Variants in CHRM3 observed in about 807,000 individuals in gnomAD.
CHRM3 encodes the protein muscarinic acetylcholine receptor M3.
CHRM3 carries 11 observed loss-of-function variants against 41.8 expected under a neutral mutation model. The observed-to-expected ratio is 0.26, with a 90% CI of 0.17 to 0.44. The LOEUF (loss-of-function observed/expected upper bound fraction) is 0.44. Among genes scored for constraint, CHRM3 ranks in the 20% least tolerant of loss-of-function variants. The pLI, the probability that CHRM3 is intolerant of heterozygous loss-of-function variation, is 1.00. For missense variants in CHRM3, 571 were observed against 745.4 expected (o/e 0.77, Z 2.72); for synonymous variants, 297 against 301.4 (o/e 0.99, Z 0.15).
chr1:239,464,030 AC>A (rs1255669240), intron 1 of CHRM3, among the ~76,000 whole-genome samples: 1 of 152,144 alleles, frequency 6.6e-6, no homozygotes, highest in Non-Finnish European at 1.5e-5. Context: ...TAATCTCAGC[AC>A]TTTGGGAGGC....
At chr1:239,388,144 A>G (rs1302336377) in intron 1 of CHRM3, among the ~76,000 whole-genome samples, 1 of 152,108 alleles carries the variant, frequency 6.6e-6, no homozygotes, top group Admixed American at 6.5e-5. Flanking sequence ...CTGCATCCAT[A>G]TGGATAGGTT....
chr1:239,836,038 G>A (rs1354943191), intron 6 of CHRM3, among the ~76,000 whole-genome samples: 1 of 152,238 alleles, frequency 6.6e-6, no homozygotes, highest in African/African-American at 2.4e-5. Flanking sequence ...CAGCACGGAT[G>A]GCGTTCTGTG....
intron 5 of CHRM3, among the ~76,000 whole-genome samples, chr1:239,807,413 A>G (rs1670741518): frequency 6.6e-6 from 1 of 152,216 alleles, no homozygotes. Flanking sequence ...TTGGCAATGA[A>G]CACCTTCTAA....
intron 5 of CHRM3, among the ~76,000 whole-genome samples, chr1:239,689,842 A>G (rs1659534858): frequency 6.6e-6 from 1 of 152,130 alleles, no homozygotes; most frequent in Non-Finnish European, 1.5e-5. Flanking sequence ...CAGCTGTCCA[A>G]TTAGGGGAGA....
intron 5 of CHRM3, among the ~76,000 whole-genome samples, chr1:239,790,696 A>G (rs1449033312): frequency 4.6e-5 from 7 of 152,252 alleles, no homozygotes; most frequent in Admixed American, 3.9e-4. Context: ...ACCTAGGCAG[A>G]GAATCACAAA....
chr1:239,431,624 C>T (rs1006200532), intron 1 of CHRM3, among the ~76,000 whole-genome samples: 5 of 152,046 alleles, frequency 3.3e-5, no homozygotes, highest in Non-Finnish European at 7.4e-5. Flanking sequence ...ATTTCACAGT[C>T]GAAGATAGTT....
intron 1 of CHRM3, among the ~76,000 whole-genome samples, chr1:239,485,655 A>G (rs1667141738): frequency 6.6e-6 from 1 of 152,102 alleles, no homozygotes; most frequent in Admixed American, 6.5e-5. Context: ...CCTCCCCAAA[A>G]CATGTTATGT....
At chr1:239,476,333 G>A (rs1201803513) in intron 1 of CHRM3, among the ~76,000 whole-genome samples, 1 of 152,078 alleles carries the variant, frequency 6.6e-6, no homozygotes, top group African/African-American at 2.4e-5. Context: ...GGGCATGTTG[G>A]TGGGCGCCTG....
chr1:239,905,510 A>G (rs1679900402), intron 6 of CHRM3, among the ~76,000 whole-genome samples: 1 of 152,156 alleles, frequency 6.6e-6, no homozygotes, highest in Non-Finnish European at 1.5e-5. Context: ...TTTTGAGACT[A>G]GCCTGGTCAA....
chr1:239,755,984 A>C (rs113076178), intron 5 of CHRM3, among the ~76,000 whole-genome samples: 6 of 152,354 alleles, frequency 3.9e-5, no homozygotes, highest in African/African-American at 1.4e-4. Context: ...TAGATGAGGC[A>C]GTTGTATGTA....
chr1:239,807,511 A>T (rs996356697), intron 5 of CHRM3, among the ~76,000 whole-genome samples: 5 of 152,218 alleles, frequency 3.3e-5, no homozygotes, highest in African/African-American at 1.2e-4. Context: ...ACCAGAAGAG[A>T]AGCCTTGGAG....
intron 1 of CHRM3, among the ~76,000 whole-genome samples, chr1:239,465,763 G>A (rs1665679144): frequency 2.0e-5 from 3 of 152,074 alleles, no homozygotes; most frequent in Admixed American, 1.3e-4. Context: ...GAACAACGTG[G>A]GTTTGAACTG....
At chr1:239,420,071 A>G (rs1029368123) in intron 1 of CHRM3, among the ~76,000 whole-genome samples, 1 of 152,164 alleles carries the variant, frequency 6.6e-6, no homozygotes, top group South Asian at 2.1e-4. Flanking sequence ...TCCCTAGCTC[A>G]GGCCTGTTTA....
Position 239,907,598 on chromosome 1 carries a change from C to A in CHRM3, c.147C>A (p.Phe49Leu), listed in dbSNP as rs756421149. ...ATGTTTCTCGAGCAGCTGGCAATTT[C>A]TCCTCTCCAGACGGTACCACCGATG... Reference protein sequence around the residue: ...SYNVSRAAGNFSSPDGTTDDP... With the variant: ...SYNVSRAAGNLSSPDGTTDDP... Residue 49 changes from phenylalanine to leucine, a missense_variant, in exon 7 of 7, where the codon TTC becomes TTA. Coordinates refer to ENST00000676153, the MANE Select transcript of CHRM3 (RefSeq NM_001375978.1). The surrounding 1 kb of genome is among the most constrained non-coding windows in gnomAD (Gnocchi z 5.4). The A allele has an allele frequency of 1.9e-6, 3 of 1,614,052 alleles. No individual in the cohort carries two copies. In the African/African-American group the frequency reaches 4.0e-5, roughly 22 times the overall value.
In CHRM3 at chr1:239,734,528, CA is replaced by C. The variant is rs576568224; in HGVS notation, c.-147+56241del. Among the ~76,000 whole-genome samples the C allele has an allele frequency of 2.0e-4, 31 of 152,088 alleles. No homozygotes were observed. The East Asian group carries it at 5.4e-3, about 27-fold the overall frequency. Reference sequence around the variant, plus strand: ...AAAACTGTCAAATAAAAGAATCAAGCATTTTTTTTCTGCTTTTCCTTTGCAA... The same window carrying C: ...AAAACTGTCAAATAAAAGAATCAAGCTTTTTTTTCTGCTTTTCCTTTGCAA... On this transcript the variant is annotated intron_variant, in intron 5 of 6. Coordinates refer to ENST00000676153, the MANE Select transcript of CHRM3 (RefSeq NM_001375978.1).
intron 1 of CHRM3, among the ~76,000 whole-genome samples, chr1:239,408,521 CAAAA>C (rs371319364): frequency 3.3e-5 from 2 of 61,262 alleles, no homozygotes; most frequent in African/African-American, 5.8e-5. Context: ...GAGACTCCGT[CAAAA>C]AAAAAAAAAA....
intron 1 of CHRM3, among the ~76,000 whole-genome samples, chr1:239,476,884 T>A (rs1390273381): frequency 6.6e-6 from 1 of 152,102 alleles, no homozygotes; most frequent in Non-Finnish European, 1.5e-5. Flanking sequence ...AAAATACACT[T>A]CAGAGTAATC....
chr1:239,644,610 A>G (rs973933934), intron 4 of CHRM3, among the ~76,000 whole-genome samples: 1 of 152,172 alleles, frequency 6.6e-6, no homozygotes, highest in Non-Finnish European at 1.5e-5. Flanking sequence ...AAGCAACCAA[A>G]ATTCTTATCA....
intron 4 of CHRM3, among the ~76,000 whole-genome samples, chr1:239,647,821 A>T (rs1426082406): frequency 3.3e-5 from 5 of 152,196 alleles, no homozygotes; most frequent in African/African-American, 1.2e-4. Context: ...TCTGAAATGA[A>T]AATGTAATCA....
Sources: allele counts gnomAD v4.1 joint callset (sites outside exome capture counted in the v4.1 genomes callset), GRCh38; gene constraint gnomAD v4.1.1; non-coding constraint Gnocchi (gnomAD v3.1); transcripts MANE v1.5; gene names NCBI Gene and HGNC (gene_info 2026-07-23, HGNC 2026-07-21).